The following ZNF2 variants were observed in gnomAD, a reference collection of about 807,000 sequenced individuals.
ZNF2 encodes zinc finger protein 2.
Under a neutral mutation model 21.9 loss-of-function variants are expected in ZNF2, and 12 were observed. That is an observed-to-expected ratio of 0.55 (90% CI 0.35 to 0.89). The LOEUF is 0.89. Among genes scored for constraint, ZNF2 ranks in the 40% least tolerant of loss-of-function variants. The pLI, the probability that ZNF2 is intolerant of heterozygous loss-of-function variation, is 0.01. For missense variants in ZNF2, 462 were observed against 544.2 expected (o/e 0.85, Z 1.50); for synonymous variants, 186 against 196.3 (o/e 0.95, Z 0.44).
At chr2:95,179,276 G>A (rs898972503) in intron 3 of ZNF2, among the ~76,000 whole-genome samples, 7 of 152,212 alleles carry the variant, frequency 4.6e-5, no homozygotes, top group African/African-American at 1.4e-4. Flanking sequence ...ACTGGCAGGA[G>A]CCACTGTGCC....
chr2:95,182,070 A>G lies in ZNF2; in HGVS notation c.1242A>G (p.Gln414=), dbSNP rs753035806. The G allele has an allele frequency of 5.6e-6, 9 of 1,611,364 alleles. No individual in the cohort carries two copies. Among genetic ancestry groups the G allele is most frequent in the South Asian group, 1.1e-5 (1 of 90,940 alleles). ...KVFSSKSSVI[Q]HQRRYAKQGI... is the part of the protein sequence containing the mutation. ...TCAGTTCAAAATCTTCTGTTATTCA[A>G]CATCAACGGCGTTACGCCAAACAGG... Residue 414 remains glutamine, a synonymous_variant, in exon 5 of 5, where the codon CAA becomes CAG. Coordinates refer to ENST00000614034, the MANE Select transcript of ZNF2 (RefSeq NM_021088.4).
intron 1 of ZNF2, among the ~76,000 whole-genome samples, chr2:95,168,831 C>T (rs1448519658): frequency 6.6e-6 from 1 of 152,132 alleles, no homozygotes; most frequent in Non-Finnish European, 1.5e-5. Flanking sequence ...ACCCTGCTTC[C>T]CTTGAAACTC....
chr2:95,168,773 G>T (rs1674172837), intron 1 of ZNF2, among the ~76,000 whole-genome samples: 2 of 152,184 alleles, frequency 1.3e-5, no homozygotes, highest in South Asian at 4.1e-4. Flanking sequence ...CTCATCCAAG[G>T]CTTCATGGTT....
At chr2:95,178,573 T>A (rs941673041) in intron 3 of ZNF2, among the ~76,000 whole-genome samples, 1 of 152,112 alleles carries the variant, frequency 6.6e-6, no homozygotes, top group African/African-American at 2.4e-5. Flanking sequence ...GAAAACCCGG[T>A]AGACAATCCT....
intron 1 of ZNF2, among the ~76,000 whole-genome samples, chr2:95,168,506 A>G (rs1198049833): frequency 1.3e-5 from 2 of 152,070 alleles, no homozygotes; most frequent in African/African-American, 2.4e-5. Context: ...AACCCAGGGT[A>G]TAGGACACAA....
At position 95,181,806 on chromosome 2, in the gene ZNF2, G is replaced by A. The variant is rs370909020; in HGVS notation, c.978G>A (p.Ser326=). The A allele has an allele frequency of 4.8e-5, 77 of 1,614,158 alleles. No homozygotes were observed. Among genetic ancestry groups the A allele is most frequent in the East Asian group, 3.3e-4 (15 of 44,882 alleles). ...NECGKAFYGV[S]SLNRHQKAHA... ...GCGGGAAAGCTTTCTATGGTGTCTC[G>A]TCTCTGAATAGACATCAGAAAGCTC... The change falls in exon 5 of 5, where the codon TCG becomes TCA. Residue 326 remains serine (S), a synonymous_variant. Coordinates refer to ENST00000614034, the MANE Select transcript of ZNF2 (RefSeq NM_021088.4).
Position 95,179,849 on chromosome 2 carries a change from G to T in ZNF2, c.161-310G>T, listed in dbSNP as rs569793934. ...CGGCAGGTGGATCACCTGAGGTCAG[G>T]AGTTCGAAACCAGCGTGGCCATGAT... is the stretch of plus-strand genomic sequence containing the variant. On this transcript the variant is annotated intron_variant, in intron 3 of 4. Coordinates refer to ENST00000614034, the MANE Select transcript of ZNF2 (RefSeq NM_021088.4). Among the ~76,000 whole-genome samples the T allele has an allele frequency of 3.9e-5, 6 of 152,326 alleles. No individual in the cohort carries two copies. The South Asian group carries it at 1.2e-3, about 32-fold the overall frequency.
At chr2:95,169,290 T>C (rs749837997) in intron 1 of ZNF2, among the ~76,000 whole-genome samples, 3 of 152,228 alleles carry the variant, frequency 2.0e-5, no homozygotes, top group Non-Finnish European at 2.9e-5. Flanking sequence ...AGTTGTAATC[T>C]AATAAACAAA....
chr2:95,180,976 A>G, intron 4 of ZNF2, 127 bp from the exon 5 acceptor site: 1 of 1,166,716 alleles, frequency 8.6e-7, no homozygotes, highest in Non-Finnish European at 1.2e-6. Flanking sequence ...CCTGCCGTGT[A>G]AGACTATCTA....
intron 3 of ZNF2, 123 bp from the exon 4 acceptor site, chr2:95,180,036 G>A (rs1351658578): frequency 3.3e-5 from 22 of 669,072 alleles, no homozygotes; most frequent in African/African-American, 2.0e-4. Context: ...CAGCCTGGGC[G>A]ACAGAGTGAG....
chr2:95,178,592 A>G (rs1674527711), intron 3 of ZNF2, among the ~76,000 whole-genome samples: 1 of 152,186 alleles, frequency 6.6e-6, no homozygotes, highest in African/African-American at 2.4e-5. Flanking sequence ...CTTGGGCCCA[A>G]TAAGAAAGTG....
rs142415287 is a variant in ZNF2, at chr2:95,173,857, C to T, written c.-39-2331C>T. 3.7e-3 allele frequency among the ~76,000 whole-genome samples: 569 copies of T among 152,300 alleles called. 5 individuals carry two copies. Among genetic ancestry groups the T allele is most frequent in the Non-Finnish European group, 7.0e-3 (473 of 68,030 alleles). ...CCAAGTAGCTGGGACTAAAGGCACA[C>T]GCCACCACGCCCAGCTAATTTTTTT... On this transcript the variant is annotated intron_variant, in intron 1 of 4. Transcript: ENST00000614034.
intron 1 of ZNF2, among the ~76,000 whole-genome samples, chr2:95,171,913 T>G (rs1674285645): frequency 6.6e-6 from 1 of 152,172 alleles, no homozygotes; most frequent in South Asian, 2.1e-4. Context: ...GACTCAAGAC[T>G]CGACCCATAG....
rs554391644 is a variant in ZNF2 at position 95,177,555 on chromosome 2, A to C, written c.106A>C (p.Arg36=). 1.8e-4 allele frequency: 283 copies of C among 1,613,960 alleles called. 3 individuals carry two copies. The South Asian group carries it at 2.9e-3, about 17-fold the overall frequency. Residue 36 remains arginine, a synonymous_variant, in exon 3 of 5, where the codon AGG becomes CGG. Coordinates refer to ENST00000614034, the MANE Select transcript of ZNF2 (RefSeq NM_021088.4). ...EEWSRLVPIQ[R]DLYKEVMLEN... is the part of the protein sequence containing the mutation. ...GTGGAGTCGTCTGGTCCCCATACAG[A>C]GGGACCTCTACAAGGAGGTGATGCT...
rs945117369 is a variant in ZNF2 at position 95,165,877 on chromosome 2, T to A, written c.-40+17T>A. On this transcript the variant is annotated intron_variant, in intron 1 of 4. Transcript: ENST00000614034. Reference sequence around the variant, plus strand: ...GTGCCGGAGGTGAGGGTTGTGGGTGTGTGTCTTCAAGGAGCGGAGTGAGCG... The same window carrying A: ...GTGCCGGAGGTGAGGGTTGTGGGTGAGTGTCTTCAAGGAGCGGAGTGAGCG... The A allele has an allele frequency of 2.2e-4, 34 of 152,172 alleles. No individual in the cohort carries two copies. Among genetic ancestry groups the A allele is most frequent in the African/African-American group, 8.0e-4 (33 of 41,430 alleles). 9.4% of individuals were successfully genotyped at this position (152,172 alleles called of 1,614,324 possible). A position where few individuals can be genotyped will look rare whatever the true frequency, so the allele number is the denominator to read the frequency against.
intron 2 of ZNF2, among the ~76,000 whole-genome samples, chr2:95,177,028 A>G (rs1395598403): frequency 6.6e-6 from 1 of 152,262 alleles, no homozygotes; most frequent in Non-Finnish European, 1.5e-5. Context: ...GATTATAACA[A>G]CAGTACATCC....
At chr2:95,176,619 A>C (rs988824391) in intron 2 of ZNF2, among the ~76,000 whole-genome samples, 4 of 152,180 alleles carry the variant, frequency 2.6e-5, no homozygotes, top group African/African-American at 9.7e-5. Context: ...CCAGTGTTCC[A>C]GGGAGTGTGG....
Position 95,184,149 on chromosome 2 carries a change from C to T in ZNF2, c.*2043C>T, listed in dbSNP as rs1418063801. 6.6e-6 allele frequency: 1 copy of T among 152,176 alleles called. No homozygotes were observed. Among genetic ancestry groups the T allele is most frequent in the Non-Finnish European group, 1.5e-5 (1 of 68,026 alleles). The allele number at this position is 152,176 out of a possible 1,614,324, so 9.4% of individuals were successfully genotyped here. On this transcript the variant is annotated 3_prime_UTR_variant, in exon 5 of 5. Coordinates refer to ENST00000614034, the MANE Select transcript of ZNF2 (RefSeq NM_021088.4). ...AAACAGACCCTCCCCAACCTACTAA[C>T]GACCCTATTACTCTGTTCACCCTAG...
At chr2:95,180,337 G>A (rs748441366) in intron 4 of ZNF2, 65 bp downstream of exon 4, 1 of 1,002,618 alleles carries the variant, frequency 1.0e-6, no homozygotes, top group Non-Finnish European at 1.6e-6. Context: ...GGTGATGGGG[G>A]AAATAACAGG....
Sources: allele counts gnomAD v4.1 joint callset (sites outside exome capture counted in the v4.1 genomes callset), GRCh38; gene constraint gnomAD v4.1.1; transcripts MANE v1.5; gene names NCBI Gene and HGNC (gene_info 2026-07-23, HGNC 2026-07-21).